OPCML: variants seen among roughly 807,000 people sequenced by gnomAD.
OPCML encodes opioid-binding protein/cell adhesion molecule.
OPCML carries 13 observed loss-of-function variants against 37.8 expected under a neutral mutation model. The observed-to-expected ratio is 0.34, with a 90% CI of 0.22 to 0.55. The LOEUF (loss-of-function observed/expected upper bound fraction) is 0.55, where lower values mean the gene tolerates loss of function less well. Ranked by LOEUF, OPCML falls within the 20% of genes least tolerant of loss-of-function variation. The probability of loss-of-function intolerance (pLI) is 0.91; values close to 1 mark genes in which losing one functional copy is unlikely to be tolerated. For synonymous variants in OPCML, 176 were observed against 168.8 expected, an observed-to-expected ratio of 1.04 and a Z score of -0.33; for missense variants, 341 against 435.6, an observed-to-expected ratio of 0.78 and a Z score of 1.93.
intron 1 of OPCML, among the ~76,000 whole-genome samples, chr11:133,056,348 A>T (rs1362442433): frequency 6.6e-6 from 1 of 152,210 alleles, no homozygotes; most frequent in Non-Finnish European, 1.5e-5. Flanking sequence ...CTTCATAAAC[A>T]TCTGAATCCA....
rs1378054039 is a variant in OPCML at position 133,026,196 on chromosome 11, A to G, written c.62-83186T>C. On this transcript the variant is annotated intron_variant, in intron 1 of 7. Transcript: ENST00000524381. ...GCCTTAATCACGATGAAGCTTTGTA[A>G]TCTGTAAAGCTTTCGAGCCAGGTTA... The G allele has an allele frequency of 5.6e-6, 4 of 716,022 alleles. No homozygotes were observed. The South Asian group carries it at 1.9e-4, about 34-fold the overall frequency. 44.4% of individuals were successfully genotyped at this position (716,022 alleles called of 1,614,324 possible).
intron 1 of OPCML, among the ~76,000 whole-genome samples, chr11:132,966,824 T>C (rs903232537): frequency 6.6e-6 from 1 of 152,120 alleles, no homozygotes; most frequent in African/African-American, 2.4e-5. Flanking sequence ...GCAGTAAATT[T>C]TGTTGTTTTA....
intron 4 of OPCML, among the ~76,000 whole-genome samples, chr11:132,449,257 C>T (rs1439928088): frequency 2.6e-5 from 4 of 152,182 alleles, no homozygotes; most frequent in East Asian, 3.9e-4. Flanking sequence ...TGTGTCTGAA[C>T]GTAATGTCTT....
At chr11:133,365,390 T>G (rs1255474177) in intron 1 of OPCML, 3 of 152,492 alleles carry the variant, frequency 2.0e-5, no homozygotes, top group Non-Finnish European at 4.4e-5. Flanking sequence ...GTTTCTGGTT[T>G]GCAGATAGTG....
chr11:132,797,938 T>C (rs1360643772), intron 2 of OPCML, among the ~76,000 whole-genome samples: 1 of 152,162 alleles, frequency 6.6e-6, no homozygotes, highest in Non-Finnish European at 1.5e-5. Flanking sequence ...GCCACGTTGA[T>C]TGACTCTTCC....
At chr11:133,244,721 G>A (rs769731798) in intron 1 of OPCML, among the ~76,000 whole-genome samples, 3 of 149,840 alleles carry the variant, frequency 2.0e-5, no homozygotes, top group East Asian at 2.0e-4. Flanking sequence ...TCCTGCTCTC[G>A]CCATATGAGG....
At chr11:132,490,584 C>T (rs1406668722) in intron 4 of OPCML, among the ~76,000 whole-genome samples, 2 of 151,922 alleles carry the variant, frequency 1.3e-5, no homozygotes, top group African/African-American at 2.4e-5. Flanking sequence ...GTTGGGAGGC[C>T]GAGGCGGGCG....
At chr11:132,814,217 T>C (rs1192994701) in intron 2 of OPCML, among the ~76,000 whole-genome samples, 1 of 152,360 alleles carries the variant, frequency 6.6e-6, no homozygotes, top group African/African-American at 2.4e-5. Flanking sequence ...GAACTCATTG[T>C]CTGCTGTTTC....
chr11:132,469,955 G>T (rs1278684476), intron 4 of OPCML, among the ~76,000 whole-genome samples: 2 of 150,490 alleles, frequency 1.3e-5, no homozygotes, highest in East Asian at 4.4e-4. Context: ...GTGTGTGTAC[G>T]TGTATGTGTG....
At chr11:133,366,268 C>A (rs560674516) in intron 1 of OPCML, among the ~76,000 whole-genome samples, 3 of 152,304 alleles carry the variant, frequency 2.0e-5, no homozygotes, top group African/African-American at 7.2e-5. Flanking sequence ...ATCCCGTGAG[C>A]CCCGCCTGCC....
At chr11:132,436,040 T>G in intron 7 of OPCML, 46 bp downstream of exon 7, 1 of 1,590,952 alleles carries the variant, frequency 6.3e-7, no homozygotes. Flanking sequence ...TCCCTCAAGC[T>G]TCCCCATGTG....
intron 1 of OPCML, among the ~76,000 whole-genome samples, chr11:133,060,207 C>A (rs1395634345): frequency 6.6e-6 from 1 of 151,410 alleles, no homozygotes. Flanking sequence ...TCTCCCTCTC[C>A]CTCCCCCTCC....
intron 2 of OPCML, among the ~76,000 whole-genome samples, chr11:132,812,879 C>T (rs1013279193): frequency 2.0e-5 from 3 of 152,200 alleles, no homozygotes; most frequent in Non-Finnish European, 2.9e-5. Context: ...GTGATTTCCA[C>T]ATAATATGTC....
intron 1 of OPCML, chr11:133,066,888 A>T (rs1284378058): frequency 6.6e-6 from 1 of 152,174 alleles, no homozygotes; most frequent in Non-Finnish European, 1.5e-5. Flanking sequence ...AATGTTGGCC[A>T]TGCTGGTCTC....
rs918294679 is a variant in OPCML, at chr11:132,482,385, C to T, written c.506-45026G>A. On this transcript the variant is annotated intron_variant, in intron 4 of 7. Coordinates refer to ENST00000524381, the MANE Select transcript of OPCML (RefSeq NM_001012393.5). The stretch of plus-strand genomic sequence containing the variant: ...ACTAAACCAGGAAGAAGTTGAATCT[C>T]AGAATAGACCAATAACAGGATCTGA... Among the ~76,000 whole-genome samples the T allele has an allele frequency of 5.0e-4, 76 of 151,724 alleles. No homozygotes were observed. The South Asian group carries it at 9.6e-3, about 19-fold the overall frequency.
chr11:133,195,928 ACCTTTT>A (rs1196232174), intron 1 of OPCML, among the ~76,000 whole-genome samples: 1 of 152,156 alleles, frequency 6.6e-6, no homozygotes, highest in Non-Finnish European at 1.5e-5. Context: ...CAATATTTCT[ACCTTTT>A]CTCTAAGTCA....
chr11:132,506,560 G>A (rs1447093026), intron 4 of OPCML, among the ~76,000 whole-genome samples: 2 of 152,068 alleles, frequency 1.3e-5, no homozygotes, highest in Non-Finnish European at 2.9e-5. Flanking sequence ...AGGTGATTTT[G>A]ATAGTCTGAG....
chr11:132,470,849 G>A (rs2096136041), intron 4 of OPCML, among the ~76,000 whole-genome samples: 1 of 152,162 alleles, frequency 6.6e-6, no homozygotes, highest in South Asian at 2.1e-4. Flanking sequence ...TATCGCTGAT[G>A]TGTAAAGCCA....
At chr11:133,487,671 C>T (rs1450313299) in intron 1 of OPCML, among the ~76,000 whole-genome samples, 1 of 152,064 alleles carries the variant, frequency 6.6e-6, no homozygotes, top group Non-Finnish European at 1.5e-5. Context: ...TCTTGTCTAT[C>T]TCAGAGGCAA....
Sources: gnomAD v4.1 joint callset for allele counts (sites outside exome capture counted in the v4.1 genomes callset) on GRCh38, gnomAD v4.1.1 for gene constraint, MANE v1.5 for transcripts, NCBI Gene and HGNC (gene_info 2026-07-23, HGNC 2026-07-21) for gene names.